TACR1: variants seen among roughly 807,000 people sequenced by gnomAD.
TACR1 encodes the protein tachykinin receptor 1.
Under a neutral mutation model 35.8 loss-of-function variants are expected in TACR1, and 25 were observed. The ratio of observed to expected loss-of-function variants is 0.70; its 90% CI spans 0.51 to 0.98. The LOEUF (loss-of-function observed/expected upper bound fraction) is 0.98, where lower values mean the gene tolerates loss of function less well. Among genes scored for constraint, TACR1 ranks in the 50% least tolerant of loss-of-function variants. The pLI is 0.00. For synonymous variants in TACR1, 195 were observed against 206.7 expected (o/e 0.94, Z 0.48); for missense variants, 478 against 522.9 (o/e 0.91, Z 0.84).
At chr2:75,062,735 G>C (rs746293613) in intron 2 of TACR1, among the ~76,000 whole-genome samples, 1 of 152,152 alleles carries the variant, frequency 6.6e-6, no homozygotes, top group Non-Finnish European at 1.5e-5. Flanking sequence ...CAGAAAACAC[G>C]TGCCAATCTG....
chr2:75,076,801 G>A (rs954954446), intron 2 of TACR1, among the ~76,000 whole-genome samples: 3 of 152,090 alleles, frequency 2.0e-5, no homozygotes, highest in Non-Finnish European at 4.4e-5. Flanking sequence ...AACTTCTGAG[G>A]CCTTCGCATC....
chr2:75,075,332 C>T (rs187828673), intron 2 of TACR1, among the ~76,000 whole-genome samples: 5 of 152,262 alleles, frequency 3.3e-5, no homozygotes, highest in Admixed American at 6.5e-5. Context: ...TGTGTAAATT[C>T]GTGCACCTAC....
At chr2:75,139,441 C>CA (rs780696671) in intron 1 of TACR1, among the ~76,000 whole-genome samples, 1 of 152,204 alleles carries the variant, frequency 6.6e-6, no homozygotes, top group Non-Finnish European at 1.5e-5. Context: ...ATGAGAGCAG[C>CA]AAAGGAGAAT....
At chr2:75,051,583 G>A in intron 3 of TACR1, 136 bp from the exon 4 acceptor site, 1 of 1,481,200 alleles carries the variant, frequency 6.8e-7, no homozygotes, top group Non-Finnish European at 9.0e-7. Flanking sequence ...CCTTCAAGGA[G>A]GAGAAAGGAT....
intron 1 of TACR1, among the ~76,000 whole-genome samples, chr2:75,181,401 G>C (rs1049622614): frequency 6.6e-6 from 1 of 151,912 alleles, no homozygotes; most frequent in Non-Finnish European, 1.5e-5. Context: ...AAATGACAAA[G>C]AAAACATACT....
intron 1 of TACR1, among the ~76,000 whole-genome samples, chr2:75,173,691 C>A (rs1675345233): frequency 6.6e-6 from 1 of 152,172 alleles, no homozygotes; most frequent in African/African-American, 2.4e-5. Context: ...TCCAACCAAT[C>A]CTAAATTGAA....
chr2:75,194,264 A>G (rs1240152432), intron 1 of TACR1, among the ~76,000 whole-genome samples: 1 of 152,200 alleles, frequency 6.6e-6, no homozygotes, highest in Non-Finnish European at 1.5e-5. Context: ...CTGAGAATTA[A>G]CAAACTCCAT....
At chr2:75,192,655 G>A (rs1012503042) in intron 1 of TACR1, among the ~76,000 whole-genome samples, 6 of 152,172 alleles carry the variant, frequency 3.9e-5, no homozygotes, top group African/African-American at 1.4e-4. Context: ...ACCAAGTGCA[G>A]GAGCATGTAG....
At chr2:75,122,879 TG>T (rs1173260006) in intron 1 of TACR1, among the ~76,000 whole-genome samples, 1 of 152,160 alleles carries the variant, frequency 6.6e-6, no homozygotes, top group Non-Finnish European at 1.5e-5. Flanking sequence ...CTTCCATCTC[TG>T]GGGTAGTCCC....
intron 2 of TACR1, among the ~76,000 whole-genome samples, chr2:75,103,821 G>A (rs1489272416): frequency 6.6e-6 from 1 of 152,076 alleles, no homozygotes; most frequent in Non-Finnish European, 1.5e-5. Context: ...AGCCTAAGTT[G>A]TTATCAGTTT....
At chr2:75,088,933 A>T (rs917020122) in intron 2 of TACR1, among the ~76,000 whole-genome samples, 4 of 151,966 alleles carry the variant, frequency 2.6e-5, no homozygotes, top group Admixed American at 6.6e-5. Context: ...CCCTTTCCAC[A>T]TGCTGCCCCC....
intron 1 of TACR1, among the ~76,000 whole-genome samples, chr2:75,143,103 C>T (rs760020773): frequency 6.6e-6 from 1 of 151,520 alleles, no homozygotes; most frequent in Non-Finnish European, 1.5e-5. Context: ...AGGAAGGCCT[C>T]ACCTGAGCAG....
At chr2:75,126,433 C>G (rs1413344616) in intron 1 of TACR1, among the ~76,000 whole-genome samples, 4 of 152,084 alleles carry the variant, frequency 2.6e-5, no homozygotes, top group Non-Finnish European at 4.4e-5. Flanking sequence ...ATTTATATTC[C>G]TCTGGGTATA....
At chr2:75,175,829 A>G (rs1006547300) in intron 1 of TACR1, among the ~76,000 whole-genome samples, 3 of 152,236 alleles carry the variant, frequency 2.0e-5, no homozygotes, top group African/African-American at 7.2e-5. Context: ...TTGGGAAGGC[A>G]TTATTCTGCC....
At chr2:75,149,825 A>G (rs1443361957) in intron 1 of TACR1, among the ~76,000 whole-genome samples, 1 of 152,190 alleles carries the variant, frequency 6.6e-6, no homozygotes, top group Non-Finnish European at 1.5e-5. Context: ...GCCGGTTTTC[A>G]AAGGGAATGT....
chr2:75,165,735 T>G (rs767426842), intron 1 of TACR1, among the ~76,000 whole-genome samples: 1 of 152,194 alleles, frequency 6.6e-6, no homozygotes, highest in Non-Finnish European at 1.5e-5. Context: ...TGGTACTTAT[T>G]ATGGCAAATC....
chr2:75,103,747 G>A (rs1317048200), intron 2 of TACR1, among the ~76,000 whole-genome samples: 2 of 151,974 alleles, frequency 1.3e-5, no homozygotes, highest in Non-Finnish European at 2.9e-5. Context: ...TGGGAAAGAG[G>A]GGAAAAATAA....
intron 1 of TACR1, among the ~76,000 whole-genome samples, chr2:75,147,008 C>T (rs1444508659): frequency 6.6e-6 from 1 of 152,184 alleles, no homozygotes; most frequent in African/African-American, 2.4e-5. Context: ...TACACTGATG[C>T]AAACTAAGCT....
intron 1 of TACR1, among the ~76,000 whole-genome samples, chr2:75,124,348 A>C (rs1200420918): frequency 6.6e-6 from 1 of 152,228 alleles, no homozygotes; most frequent in African/African-American, 2.4e-5. Flanking sequence ...CTGCTATACC[A>C]GTCCCAAATC....
Sources: allele counts gnomAD v4.1 joint callset (sites outside exome capture counted in the v4.1 genomes callset), GRCh38; gene constraint gnomAD v4.1.1; transcripts MANE v1.5; gene names NCBI Gene and HGNC (gene_info 2026-07-23, HGNC 2026-07-21).